Variants in RRM2 observed in about 807,000 individuals in gnomAD.
RRM2 encodes the protein ribonucleotide reductase regulatory subunit M2, also known as ribonucleoside-diphosphate reductase subunit M2.
In RRM2, 6 loss-of-function variants were observed where a neutral mutation model predicts 45.9. That is an observed-to-expected ratio of 0.13 (90% CI 0.07 to 0.26). The LOEUF (loss-of-function observed/expected upper bound fraction) is 0.26. Ranked by LOEUF, RRM2 falls within the 10% of genes least tolerant of loss-of-function variation. The pLI, the probability that RRM2 is intolerant of heterozygous loss-of-function variation, is 1.00. For missense variants in RRM2, 343 were observed against 489.5 expected, an observed-to-expected ratio of 0.70 and a Z score of 2.82; for synonymous variants, 177 against 173.0, an observed-to-expected ratio of 1.02 and a Z score of -0.18.
chr2:10,127,283 G>A lies in RRM2; in HGVS notation c.798+63G>A. 2.6e-6 allele frequency: 4 copies of A among 1,552,866 alleles called. No homozygotes were observed. Among genetic ancestry groups the A allele is most frequent in the Middle Eastern group, 1.7e-4 (1 of 5,918 alleles). ...AAACACAACTCGGGCATGCTCTTGT[G>A]TTCACTGACGGGGACCTGAGATGCT... On this transcript the variant is annotated intron_variant, in intron 7 of 9. Coordinates refer to ENST00000304567, the MANE Select transcript of RRM2 (RefSeq NM_001034.4). The surrounding 1 kb of genome is among the most constrained non-coding windows in gnomAD (Gnocchi z 4.1).
At chr2:10,155,213 T>C in intron 3 of RRM2, 1 of 266,530 alleles carries the variant, frequency 3.8e-6, no homozygotes, top group South Asian at 4.2e-5. Context: ...CCTAATGGGG[T>C]TTCTTTAATT....
At chr2:10,202,567 G>A (rs535338795) in intron 3 of RRM2, among the ~76,000 whole-genome samples, 1 of 152,322 alleles carries the variant, frequency 6.6e-6, no homozygotes, top group South Asian at 2.1e-4. Context: ...AATGTTTCTG[G>A]TTGGAGGAGA....
chr2:10,163,410 T>A (rs866516329), intron 3 of RRM2, among the ~76,000 whole-genome samples: 22 of 151,760 alleles, frequency 1.4e-4, no homozygotes, highest in African/African-American at 5.1e-4. Flanking sequence ...AAGCTCCACA[T>A]GTGGGTGTGG....
rs764915268 is a variant in RRM2, at chr2:10,122,792, C to G, written c.-7C>G. The G allele has an allele frequency of 6.3e-7, 1 of 1,583,542 alleles. No individual in the cohort carries two copies. Among genetic ancestry groups the G allele is most frequent in the East Asian group, 2.3e-5 (1 of 43,648 alleles). On this transcript the variant is annotated 5_prime_UTR_variant, in exon 1 of 10. Transcript: ENST00000304567. ...GGCTGCTCGCTCTGCTTCGCTGCGCCTCCACTATGCTCTCCCTCCGTGTCC... is the reference window on the plus strand; with the variant it reads ...GGCTGCTCGCTCTGCTTCGCTGCGCGTCCACTATGCTCTCCCTCCGTGTCC...
At chr2:10,140,765 C>A (rs568916040), upstream of RRM2, among the ~76,000 whole-genome samples, 1 of 152,250 alleles carries the variant, frequency 6.6e-6, no homozygotes, top group East Asian at 1.9e-4. Context: ...GAAAAGGTGC[C>A]TTAGGGGGCA....
chr2:10,124,882 A>G (rs1662748059), intron 5 of RRM2, 32 bp downstream of exon 5: 2 of 1,572,638 alleles, frequency 1.3e-6, no homozygotes, highest in Admixed American at 1.8e-5. Flanking sequence ...CAAGATTTTT[A>G]GGACTCACTA....
chr2:10,142,113 G>A lies in RRM2; in HGVS notation n.362-142G>A, dbSNP rs1310992625. 7 of 1,574,356 alleles carry A rather than the reference G, an allele frequency of 4.4e-6. No individual in the cohort carries two copies. The East Asian group carries it at 1.1e-4, about 26-fold the overall frequency. On this transcript the variant is annotated intron_variant and non_coding_transcript_variant, in intron 2 of 3. Coordinates refer to the RRM2 transcript ENST00000381786. ...AAAGCATGTTTCAGGCGGAGGGTGG[G>A]CAAGCGCAAAGGCCCTGTGGCAGGC...
intron 3 of RRM2, among the ~76,000 whole-genome samples, chr2:10,142,712 C>G (rs1663110772): frequency 6.6e-6 from 1 of 152,132 alleles, no homozygotes; most frequent in Admixed American, 6.5e-5. Flanking sequence ...CCATTGCACA[C>G]ATAGCATCTG....
In RRM2 at chr2:10,172,378, C is replaced by T. The variant is rs538478779; in HGVS notation, n.482+30003C>T. ...TGCTCCGGAGGGACCAGGGGAGGGG[C>T]GGACGGAGGACACTGCTTCTGCAGC... On this transcript the variant is annotated intron_variant and non_coding_transcript_variant, in intron 3 of 3. Coordinates refer to the RRM2 transcript ENST00000381786. This position sits in a 1 kb window ranked among gnomAD's most constrained non-coding sequence, Gnocchi z 4.9. Among the ~76,000 whole-genome samples, 53 of 152,214 alleles carry T rather than the reference C, an allele frequency of 3.5e-4. No individual in the cohort carries two copies. Among genetic ancestry groups the T allele is most frequent in the African/African-American group, 7.9e-4 (33 of 41,530 alleles).
At chr2:10,198,484 C>G (rs551177993) in intron 3 of RRM2, 11 of 152,036 alleles carry the variant, frequency 7.2e-5, no homozygotes, top group African/African-American at 2.4e-4. Context: ...CTCACTGCAG[C>G]CTCACCTTCT....
At chr2:10,191,759 G>T (rs767088407) in intron 3 of RRM2, among the ~76,000 whole-genome samples, 1 of 152,160 alleles carries the variant, frequency 6.6e-6, no homozygotes, top group Non-Finnish European at 1.5e-5. Context: ...ACGGCCATGC[G>T]CACTGGGAAT....
chr2:10,149,421 G>A (rs1354595916), intron 3 of RRM2, among the ~76,000 whole-genome samples: 2 of 152,188 alleles, frequency 1.3e-5, no homozygotes, highest in Admixed American at 6.5e-5. Flanking sequence ...GAGTCACTGC[G>A]CCCAGCCCTG....
chr2:10,176,519 C>T (rs1437038714), intron 3 of RRM2, among the ~76,000 whole-genome samples: 6 of 152,184 alleles, frequency 3.9e-5, no homozygotes, highest in South Asian at 2.1e-4. Flanking sequence ...CTGCCCGCCT[C>T]GGCCTCCCAA....
intron 3 of RRM2, chr2:10,210,249 T>G (rs1005897948): frequency 8.5e-7 from 1 of 1,173,730 alleles, no homozygotes; most frequent in African/African-American, 1.6e-5. Context: ...TTTGGTGAAT[T>G]TGGGGGCATG....
At chr2:10,177,016 C>T (rs994898607) in intron 3 of RRM2, among the ~76,000 whole-genome samples, 1 of 152,100 alleles carries the variant, frequency 6.6e-6, no homozygotes, top group Non-Finnish European at 1.5e-5. Flanking sequence ...GAGGCCGAGG[C>T]GGGTGGATCA....
chr2:10,143,999 C>T (rs1441069538), intron 3 of RRM2, among the ~76,000 whole-genome samples: 1 of 152,236 alleles, frequency 6.6e-6, no homozygotes, highest in Non-Finnish European at 1.5e-5. Flanking sequence ...CCTCCTCTCC[C>T]GTCTCCACCA....
chr2:10,146,386 G>A (rs1020452527), intron 3 of RRM2, among the ~76,000 whole-genome samples: 31 of 152,234 alleles, frequency 2.0e-4, no homozygotes, highest in African/African-American at 7.5e-4. Context: ...AGAGACCCTG[G>A]TATTTTTAAA....
intron 2 of RRM2, chr2:10,142,143 CTG>C (rs1572497694): frequency 6.5e-7 from 1 of 1,549,104 alleles, no homozygotes; most frequent in African/African-American, 1.4e-5. Flanking sequence ...GCAGGCGCGT[CTG>C]TGAGTGGTCA....
At chr2:10,163,709 G>A (rs1663618554) in intron 3 of RRM2, among the ~76,000 whole-genome samples, 1 of 152,224 alleles carries the variant, frequency 6.6e-6, no homozygotes, top group Non-Finnish European at 1.5e-5. Context: ...CCCAGTGGCC[G>A]CGCTCTGTCC....
Sources: gnomAD v4.1 joint callset for allele counts (sites outside exome capture counted in the v4.1 genomes callset) on GRCh38, gnomAD v4.1.1 for gene constraint, Gnocchi (gnomAD v3.1) non-coding constraint, MANE v1.5 for transcripts, NCBI Gene and HGNC (gene_info 2026-07-23, HGNC 2026-07-21) for gene names.